Variants in ATP8A2 observed in about 807,000 individuals in gnomAD.
The protein encoded by ATP8A2 is phospholipid-transporting ATPase IB.
In ATP8A2, 100 loss-of-function variants were observed where a neutral mutation model predicts 165.6. The ratio of observed to expected loss-of-function variants is 0.60; its 90% CI spans 0.51 to 0.71. The LOEUF (loss-of-function observed/expected upper bound fraction) is 0.71, where lower values mean the gene tolerates loss of function less well. Ranked by LOEUF, ATP8A2 falls within the 30% of genes least tolerant of loss-of-function variation. ATP8A2 has a pLI of 0.00. For synonymous variants in ATP8A2, 543 were observed against 548.8 expected, an observed-to-expected ratio of 0.99 and a Z score of 0.15; for missense variants, 1,227 against 1,479.5, an observed-to-expected ratio of 0.83 and a Z score of 2.80.
intron 33 of ATP8A2, among the ~76,000 whole-genome samples, chr13:25,942,466 A>G (rs1955097120): frequency 6.6e-6 from 1 of 152,068 alleles, no homozygotes; most frequent in Admixed American, 6.5e-5. Context: ...CTTGTACCCT[A>G]GGCTGGAGTG....
At chr13:25,878,971 C>T (rs1041574545) in intron 33 of ATP8A2, among the ~76,000 whole-genome samples, 3 of 152,212 alleles carry the variant, frequency 2.0e-5, no homozygotes, top group Admixed American at 6.5e-5. Flanking sequence ...GCATTTATAG[C>T]ATTCTACCAC....
chr13:25,912,689 A>AT (rs961266380), intron 33 of ATP8A2, among the ~76,000 whole-genome samples: 3 of 152,032 alleles, frequency 2.0e-5, no homozygotes, highest in Admixed American at 6.6e-5. Flanking sequence ...TACAACCTAA[A>AT]TTTTTTTTAA....
rs1566153327 is a variant in ATP8A2 at position 25,465,715 on chromosome 13, CTTT to C, written c.77-3261_77-3259del. Among the ~76,000 whole-genome samples, 326 of 42,320 alleles carry C rather than the reference CTTT, an allele frequency of 7.7e-3. 16 individuals are homozygous for C. The highest frequency in any genetic ancestry group is 0.028 in the African/African-American group (303 of 10,942). The allele number at this position is 42,320 out of a possible 152,430, so 27.8% of individuals were successfully genotyped here. On this transcript the variant is annotated intron_variant, in intron 1 of 36. Coordinates refer to ENST00000381655, the MANE Select transcript of ATP8A2 (RefSeq NM_016529.6). ...TCTTTCTTTCTTTCTTTCTTTCTTTCTTTCTTTCTTTCTTTCTTTCTTTCCCTC... is the reference window on the plus strand; with the variant it reads ...TCTTTCTTTCTTTCTTTCTTTCTTTCCTTTCTTTCTTTCTTTCTTTCCCTC...
At chr13:25,747,330 T>C (rs1385802701) in intron 25 of ATP8A2, among the ~76,000 whole-genome samples, 2 of 152,206 alleles carry the variant, frequency 1.3e-5, no homozygotes, top group African/African-American at 4.8e-5. Flanking sequence ...GAGGACAGTA[T>C]TGTGGGAAGG....
intron 2 of ATP8A2, among the ~76,000 whole-genome samples, chr13:25,485,907 T>C (rs1211676638): frequency 6.6e-6 from 1 of 152,012 alleles, no homozygotes; most frequent in Admixed American, 6.5e-5. Flanking sequence ...TGAGTTTTCT[T>C]ATTTCACCAA....
chr13:25,496,613 A>G (rs1024196623), intron 2 of ATP8A2, among the ~76,000 whole-genome samples: 3 of 152,202 alleles, frequency 2.0e-5, no homozygotes. Flanking sequence ...TGCCCAGAAC[A>G]CTTCGGGTTT....
Position 26,012,615 on chromosome 13 carries a change from C to A in ATP8A2, c.3462C>A (p.Gly1154=). The change falls in exon 36 of 37, where the codon GGC becomes GGA. Residue 1154 remains glycine, a synonymous_variant. Coordinates refer to ENST00000381655, the MANE Select transcript of ATP8A2 (RefSeq NM_016529.6). ...TLFRGSSLQQ[G]VPHGYAFSQE... The stretch of plus-strand genomic sequence containing the variant: ...TCCGGGGCAGCTCCCTGCAGCAGGG[C>A]GTCCCGCGTGAGTACCGCGGGCGGG... 6.7e-7 allele frequency: 1 copy of A among 1,485,972 alleles called. No individual in the cohort carries two copies. The highest frequency in any genetic ancestry group is 8.9e-7 in the Non-Finnish European group (1 of 1,118,068). 92.0% of individuals were successfully genotyped at this position (1,485,972 alleles called of 1,614,324 possible).
chr13:25,380,977 G>A (rs1336648594), intron 1 of ATP8A2, among the ~76,000 whole-genome samples: 3 of 151,866 alleles, frequency 2.0e-5, no homozygotes, highest in East Asian at 1.9e-4. Flanking sequence ...TATCTCCCTC[G>A]GGCACACTCT....
intron 24 of ATP8A2, among the ~76,000 whole-genome samples, chr13:25,594,982 GTGTA>G (rs2040195726): frequency 4.8e-5 from 4 of 82,502 alleles, no homozygotes; most frequent in African/African-American, 1.4e-4. Flanking sequence ...GTGTGTGTGT[GTGTA>G]TATATATATA....
intron 1 of ATP8A2, among the ~76,000 whole-genome samples, chr13:25,458,236 T>C (rs2035414364): frequency 6.6e-6 from 1 of 152,228 alleles, no homozygotes; most frequent in Admixed American, 6.5e-5. Flanking sequence ...GGAGACTTTG[T>C]AGACTAATTC....
At chr13:25,396,389 G>T (rs1444918574) in intron 1 of ATP8A2, among the ~76,000 whole-genome samples, 1 of 152,160 alleles carries the variant, frequency 6.6e-6, no homozygotes, top group East Asian at 1.9e-4. Flanking sequence ...GGGAAAAGGG[G>T]TTCTAGTTTC....
intron 1 of ATP8A2, among the ~76,000 whole-genome samples, chr13:25,395,411 A>G (rs1288271790): frequency 6.6e-6 from 1 of 152,042 alleles, no homozygotes; most frequent in East Asian, 1.9e-4. Flanking sequence ...TCGCCCTCTG[A>G]AAGTTTGCTG....
chr13:25,513,241 C>T lies in ATP8A2; in HGVS notation c.222-16758C>T, dbSNP rs545954842. ...GTGGAGGGTCTCCTCACTTCTCAGA[C>T]GGGGCGGCTGGGCAGAGACGCTCCT... is the stretch of plus-strand genomic sequence containing the variant. On this transcript the variant is annotated intron_variant, in intron 2 of 36. Coordinates refer to ENST00000381655, the MANE Select transcript of ATP8A2 (RefSeq NM_016529.6). Among the ~76,000 whole-genome samples, 12 of 149,300 alleles carry T rather than the reference C, an allele frequency of 8.0e-5. No homozygotes were observed. The South Asian group carries it at 1.1e-3, about 13-fold the overall frequency.
intron 27 of ATP8A2, among the ~76,000 whole-genome samples, chr13:25,791,866 A>G (rs771813639): frequency 1.3e-5 from 2 of 152,158 alleles, no homozygotes; most frequent in Non-Finnish European, 2.9e-5. Context: ...TATATTTTCA[A>G]TCTATAAAGC....
chr13:25,543,257 A>G, intron 9 of ATP8A2, 34 bp from the exon 10 acceptor site: 1 of 1,320,532 alleles, frequency 7.6e-7, no homozygotes, highest in Non-Finnish European at 1.1e-6. Context: ...TTTCCAGACT[A>G]TCATTAAATA....
intron 2 of ATP8A2, among the ~76,000 whole-genome samples, chr13:25,519,975 A>T (rs565666145): frequency 6.6e-6 from 1 of 152,258 alleles, no homozygotes; most frequent in Non-Finnish European, 1.5e-5. Context: ...ATAATTTGAT[A>T]CATTCATATA....
chr13:25,637,398 T>C lies in ATP8A2; in HGVS notation c.2211+47699T>C, dbSNP rs531319970. Among the ~76,000 whole-genome samples the C allele has an allele frequency of 2.4e-4, 36 of 152,238 alleles. No individual in the cohort carries two copies. The South Asian group carries it at 7.0e-3, about 30-fold the overall frequency. ...AACAGATGGCACCTGGAAAATTGGGTCACTCCCATTCTAATACTGCACTTT... is the reference window on the plus strand; with the variant it reads ...AACAGATGGCACCTGGAAAATTGGGCCACTCCCATTCTAATACTGCACTTT... On this transcript the variant is annotated intron_variant, in intron 24 of 36. Transcript: ENST00000381655.
intron 2 of ATP8A2, among the ~76,000 whole-genome samples, chr13:25,495,328 G>T (rs531901548): frequency 6.6e-6 from 1 of 152,188 alleles, no homozygotes; most frequent in Non-Finnish European, 1.5e-5. Flanking sequence ...TGGAAGGGTT[G>T]ATGAGGACTG....
chr13:26,012,534 G>C lies in ATP8A2; in HGVS notation c.3381G>C (p.Leu1127=), dbSNP rs750632909. 46 of 1,540,208 alleles carry C rather than the reference G, an allele frequency of 3.0e-5. No individual in the cohort carries two copies. The highest frequency in any genetic ancestry group is 7.3e-5 in the South Asian group (6 of 82,184). Residue 1127 remains leucine, a synonymous_variant, in exon 36 of 37, where the codon CTG becomes CTC. Transcript: ENST00000381655. The part of the protein sequence containing the change: ...AVLRDSNGKR[L]NERDRLIKRL... ...GACGCGCTTGCTTTATCCGCAGGCT[G>C]AACGAGCGCGACCGCCTGATCAAGA...
Sources: allele counts gnomAD v4.1 joint callset (sites outside exome capture counted in the v4.1 genomes callset), GRCh38; gene constraint gnomAD v4.1.1; transcripts MANE v1.5; gene names NCBI Gene and HGNC (gene_info 2026-07-23, HGNC 2026-07-21).